SORCS1: variants seen among roughly 807,000 people sequenced by gnomAD.
The protein encoded by SORCS1 is sortilin related VPS10 domain containing receptor 1, also known as VPS10 domain-containing receptor SorCS1.
SORCS1 carries 60 observed loss-of-function variants against 146.1 expected under a neutral mutation model. That is an observed-to-expected ratio of 0.41 (90% CI 0.33 to 0.51). The LOEUF (loss-of-function observed/expected upper bound fraction) is 0.51. Among genes scored for constraint, SORCS1 ranks in the 20% least tolerant of loss-of-function variants. SORCS1 has a pLI of 0.21. For missense variants in SORCS1, 1,352 were observed against 1,487.6 expected (o/e 0.91, Z 1.50); for synonymous variants, 637 against 584.0 (o/e 1.09, Z -1.31).
chr10:106,855,543 C>A (rs1171227543), intron 2 of SORCS1, among the ~76,000 whole-genome samples: 1 of 152,056 alleles, frequency 6.6e-6, no homozygotes, highest in East Asian at 1.9e-4. Context: ...TTTGTAGTTG[C>A]CCCACAGTTC....
At chr10:106,730,841 A>C (rs1209160124) in intron 5 of SORCS1, among the ~76,000 whole-genome samples, 1 of 152,218 alleles carries the variant, frequency 6.6e-6, no homozygotes, top group Non-Finnish European at 1.5e-5. Flanking sequence ...ATACAATGAG[A>C]TTAATTAAAC....
At position 107,139,616 on chromosome 10, in the gene SORCS1, G is replaced by A. The variant is rs765744695; in HGVS notation, c.558+24353C>T. On this transcript the variant is annotated intron_variant, in intron 1 of 25. Coordinates refer to ENST00000263054, the MANE Select transcript of SORCS1 (RefSeq NM_052918.5). ...CCCTGACACATATACACAATCAGTA[G>A]AGATTGGTGAAGCCCAAATACATGA... Among the ~76,000 whole-genome samples, 10 of 152,188 alleles carry A rather than the reference G, an allele frequency of 6.6e-5. 1 individual carries two copies. Among genetic ancestry groups the A allele is most frequent in the Admixed American group, 6.5e-4 (10 of 15,276 alleles).
intron 2 of SORCS1, among the ~76,000 whole-genome samples, chr10:106,948,704 A>G (rs1216182030): frequency 2.0e-5 from 3 of 152,090 alleles, no homozygotes. Context: ...TCACGCCTGT[A>G]ATCCCAGCAC....
intron 1 of SORCS1, among the ~76,000 whole-genome samples, chr10:107,156,618 A>T (rs1969301806): frequency 6.6e-6 from 1 of 152,220 alleles, no homozygotes; most frequent in Non-Finnish European, 1.5e-5. Flanking sequence ...AAAAAGCTAC[A>T]TCTGGTAACT....
chr10:106,673,896 T>C (rs537738295), intron 14 of SORCS1, among the ~76,000 whole-genome samples: 2 of 152,288 alleles, frequency 1.3e-5, no homozygotes, highest in Admixed American at 1.3e-4. Flanking sequence ...AAAATCTGTT[T>C]TGAAAATATA....
intron 3 of SORCS1, among the ~76,000 whole-genome samples, chr10:106,788,881 G>A (rs1946184441): frequency 6.6e-6 from 1 of 152,180 alleles, no homozygotes; most frequent in South Asian, 2.1e-4. Context: ...TGGGGGCACT[G>A]ACCCATTTCC....
chr10:106,962,416 G>GA (rs1282444975), intron 1 of SORCS1, among the ~76,000 whole-genome samples: 1 of 97,854 alleles, frequency 1.0e-5, no homozygotes, highest in Non-Finnish European at 2.1e-5. Context: ...AAAAAAAAAA[G>GA]AAAGAAAAGA....
rs538212263 is a variant in SORCS1, at chr10:106,814,730, T to C, written c.726+14844A>G. 1.5e-4 allele frequency among the ~76,000 whole-genome samples: 23 copies of C among 151,848 alleles called. No individual in the cohort carries two copies. The South Asian group carries it at 2.5e-3, about 17-fold the overall frequency. ...GAGATCGAGACCATCCTGGCTAACG[T>C]GGTGAAACCGCGTCTCTACTAAAAA... On this transcript the variant is annotated intron_variant, in intron 3 of 25. Transcript: ENST00000263054.
rs1411198420 is a variant in SORCS1, at chr10:106,845,986, C to A, written c.627-16313G>T. Among the ~76,000 whole-genome samples the A allele has an allele frequency of 1.4e-4, 18 of 130,742 alleles. 2 individuals carry two copies. Among genetic ancestry groups the A allele is most frequent in the African/African-American group, 4.3e-4 (17 of 39,692 alleles). The allele number at this position is 130,742 out of a possible 152,430, so 85.8% of individuals were successfully genotyped here. ...TACCATGCTGTTTTAGTTACTGTAG[C>A]CTTGTAGCATAGTTTGCAGTCAGGT... On this transcript the variant is annotated intron_variant, in intron 2 of 25. Coordinates refer to ENST00000263054, the MANE Select transcript of SORCS1 (RefSeq NM_052918.5).
chr10:106,957,165 G>GTTTTTTTTTTTTTTT (rs374081494), intron 1 of SORCS1, among the ~76,000 whole-genome samples: 17 of 138,026 alleles, frequency 1.2e-4, no homozygotes, highest in Non-Finnish European at 2.3e-4. Context: ...GTTTTTTTTT[G>GTTTTTTTTTTTTTTT]TTTTTTTTGT....
intron 3 of SORCS1, among the ~76,000 whole-genome samples, chr10:106,794,249 T>A (rs1046830609): frequency 1.4e-4 from 22 of 152,210 alleles, no homozygotes; most frequent in African/African-American, 5.1e-4. Context: ...GGTCATAAGC[T>A]TTCCAGGTTA....
rs10658432 is a variant in SORCS1 at position 106,674,328 on chromosome 10, C to CAAAA, written c.1940+717_1940+720dup. ...TGGGCGACAGAGTAAGACTCCGTCT[C>CAAAA]AAAAAAAAAAAAAAAAAAAAAAAAA... On this transcript the variant is annotated intron_variant, in intron 14 of 25. Coordinates refer to ENST00000263054, the MANE Select transcript of SORCS1 (RefSeq NM_052918.5). Among the ~76,000 whole-genome samples, 161 of 27,356 alleles carry CAAAA rather than the reference C, an allele frequency of 5.9e-3. 38 individuals are homozygous for CAAAA. The highest frequency in any genetic ancestry group is 0.03 in the African/African-American group (150 of 4,928). 17.9% of individuals were successfully genotyped at this position (27,356 alleles called of 152,430 possible).
intron 2 of SORCS1, among the ~76,000 whole-genome samples, chr10:106,884,241 A>G: frequency 6.6e-6 from 1 of 152,180 alleles, no homozygotes; most frequent in Non-Finnish European, 1.5e-5. Flanking sequence ...TCCTTTTTAC[A>G]AGATTTTGAA....
chr10:106,872,990 T>C lies in SORCS1; in HGVS notation c.627-43317A>G, dbSNP rs542443154. Among the ~76,000 whole-genome samples the C allele has an allele frequency of 3.3e-5, 5 of 152,154 alleles. No homozygotes were observed. The East Asian group carries it at 9.7e-4, about 29-fold the overall frequency. On this transcript the variant is annotated intron_variant, in intron 2 of 25. Coordinates refer to ENST00000263054, the MANE Select transcript of SORCS1 (RefSeq NM_052918.5). ...GAGTTCGAGACCAGCCTGGCCAATA[T>C]GGTGAAACCCCATCTCTACTAAAAA...
chr10:106,654,290 T>C (rs1385130467), intron 17 of SORCS1, among the ~76,000 whole-genome samples: 1 of 152,192 alleles, frequency 6.6e-6, no homozygotes, highest in Non-Finnish European at 1.5e-5. Context: ...ATGTAATTAT[T>C]CCCAATAAAC....
intron 3 of SORCS1, among the ~76,000 whole-genome samples, chr10:106,821,311 T>G (rs967128464): frequency 6.6e-6 from 1 of 152,198 alleles, no homozygotes; most frequent in Non-Finnish European, 1.5e-5. Flanking sequence ...AGTCTATTTT[T>G]TAATGAAAAA....
Position 106,629,404 on chromosome 10 carries a change from ACAT to A in SORCS1, c.2476-19_2476-17del. On this transcript the variant is annotated splice_polypyrimidine_tract_variant and intron_variant, in intron 18 of 25. Transcript: ENST00000263054. ...GAACATCACCCTGAAAAACAACCCA[ACAT>A]CAGAGGAAATGAGTTAGTATTCGGC... 1 of 1,612,212 alleles carries A rather than the reference ACAT, an allele frequency of 6.2e-7. No homozygotes were observed. Among genetic ancestry groups the A allele is most frequent in the South Asian group, 1.1e-5 (1 of 90,798 alleles).
At chr10:107,172,542 AAGTT>A in the SORCS1 span, among the ~76,000 whole-genome samples, 2 of 152,146 alleles carry the variant, frequency 1.3e-5, no homozygotes, top group African/African-American at 4.8e-5. Flanking sequence ...CTCATCTTCT[AAGTT>A]AGCCATCTCC....
At chr10:107,076,696 TTAAGGTACA>T (rs1962911992) in intron 1 of SORCS1, among the ~76,000 whole-genome samples, 1 of 152,092 alleles carries the variant, frequency 6.6e-6, no homozygotes, top group Admixed American at 6.5e-5. Context: ...TGTGGGTAAA[TTAAGGTACA>T]TATTTTATTT....
Sources: gnomAD v4.1 joint callset for allele counts (sites outside exome capture counted in the v4.1 genomes callset) on GRCh38, gnomAD v4.1.1 for gene constraint, MANE v1.5 for transcripts, NCBI Gene and HGNC (gene_info 2026-07-23, HGNC 2026-07-21) for gene names.